LRP1B: variants seen among roughly 807,000 people sequenced by gnomAD.
LRP1B encodes the protein low-density lipoprotein receptor-related protein 1B.
LRP1B carries 217 observed loss-of-function variants against 556.6 expected under a neutral mutation model. The ratio of observed to expected loss-of-function variants is 0.39; its 90% confidence interval spans 0.35 to 0.44. The LOEUF is 0.44. LRP1B is among the 20% of genes least tolerant of loss of function. The pLI is 1.00. For missense variants in LRP1B, 5,053 were observed against 5,620.8 expected (o/e 0.90, Z 3.23); for synonymous variants, 2,047 against 1,865.8 (o/e 1.10, Z -2.50).
At chr2:140,302,236 TA>T (rs1683864272) in intron 83 of LRP1B, among the ~76,000 whole-genome samples, 1 of 152,164 alleles carries the variant, frequency 6.6e-6, no homozygotes, top group African/African-American at 2.4e-5. Flanking sequence ...TCTTTCTGTC[TA>T]AATGCCTCTG....
At chr2:141,266,201 G>A (rs1684881370) in intron 3 of LRP1B, among the ~76,000 whole-genome samples, 1 of 151,756 alleles carries the variant, frequency 6.6e-6, no homozygotes, top group Non-Finnish European at 1.5e-5. Context: ...GCAGGCGCCT[G>A]TAAAACCAGC....
intron 3 of LRP1B, among the ~76,000 whole-genome samples, chr2:141,401,265 A>G (rs922457047): frequency 6.6e-6 from 1 of 152,182 alleles, no homozygotes; most frequent in Admixed American, 6.5e-5. Context: ...CTATTATGTA[A>G]CACACACAAA....
chr2:140,420,014 G>GA (rs76165653), intron 66 of LRP1B, among the ~76,000 whole-genome samples: 2,921 of 86,494 alleles, frequency 0.034, 57 homozygotes, highest in African/African-American at 0.072. Context: ...TCATAAAAAA[G>GA]AAAAAAAAAA....
intron 1 of LRP1B, among the ~76,000 whole-genome samples, chr2:141,925,884 C>G (rs1317373784): frequency 6.6e-6 from 1 of 152,084 alleles, no homozygotes; most frequent in East Asian, 1.9e-4. Flanking sequence ...ATGGCCTTAG[C>G]AAAGTACTTA....
At chr2:141,072,963 C>G (rs1699686902) in intron 7 of LRP1B, among the ~76,000 whole-genome samples, 1 of 152,062 alleles carries the variant, frequency 6.6e-6, no homozygotes, top group African/African-American at 2.4e-5. Flanking sequence ...TCTCTAAGAC[C>G]TGACTTCAGC....
chr2:140,444,195 C>A (rs1573945457), intron 65 of LRP1B, 135 bp downstream of exon 65: 2 of 943,942 alleles, frequency 2.1e-6, no homozygotes, highest in Non-Finnish European at 1.5e-6. Flanking sequence ...CAGTTGGCAT[C>A]TATTTCTAAT....
intron 1 of LRP1B, among the ~76,000 whole-genome samples, chr2:142,036,716 G>A (rs1703894917): frequency 6.6e-6 from 1 of 151,534 alleles, no homozygotes. Context: ...GTTAAATATA[G>A]AGCTTCTAAA....
chr2:140,999,126 T>A (rs1697337600), intron 15 of LRP1B, among the ~76,000 whole-genome samples: 1 of 152,078 alleles, frequency 6.6e-6, no homozygotes, highest in Non-Finnish European at 1.5e-5. Context: ...GGAACTGAAA[T>A]AATTTCTATA....
chr2:140,451,520 A>T (rs1686885331), intron 62 of LRP1B, among the ~76,000 whole-genome samples: 1 of 152,196 alleles, frequency 6.6e-6, no homozygotes. Context: ...CCAAATGAGG[A>T]TCTGAAGATA....
chr2:141,784,023 A>G (rs1397978604), intron 2 of LRP1B, among the ~76,000 whole-genome samples: 2 of 151,912 alleles, frequency 1.3e-5, no homozygotes, highest in Non-Finnish European at 2.9e-5. Context: ...ACTGTGATAA[A>G]ATCAATCTCT....
intron 2 of LRP1B, among the ~76,000 whole-genome samples, chr2:141,738,232 G>A (rs1423808655): frequency 6.6e-6 from 1 of 152,018 alleles, no homozygotes; most frequent in Non-Finnish European, 1.5e-5. Flanking sequence ...TCATGCCTAA[G>A]CCCGACTCTT....
rs370365884 is a variant in LRP1B, at chr2:141,013,630, C to G, written c.2306G>C (p.Ser769Thr). 15 of 1,612,560 alleles carry G rather than the reference C, an allele frequency of 9.3e-6. No individual in the cohort carries two copies. The highest frequency in any genetic ancestry group is 2.2e-5 in the East Asian group (1 of 44,702). Reference protein sequence around the residue: ...GSIFQLDLITSEVTLLRHERP... With the variant: ...GSIFQLDLITTEVTLLRHERP... ...TTCATGCCTCAGCAATGTCACCTCA[C>G]TTGTTATCAAATCTAGTTGAAAAAT... The change falls in exon 14 of 91, where the codon AGT becomes ACT. Residue 769 changes from serine (S) to threonine (T), a missense_variant. This residue lies in a region of LRP1B where 3,619 missense variants were observed against 3,931.9 expected (regional missense o/e 0.92). Coordinates refer to ENST00000389484, the MANE Select transcript of LRP1B (RefSeq NM_018557.3).
At chr2:140,474,809 C>G (rs1196758946) in intron 60 of LRP1B, among the ~76,000 whole-genome samples, 3 of 151,744 alleles carry the variant, frequency 2.0e-5, no homozygotes, top group Non-Finnish European at 4.4e-5. Context: ...GCAGTAATAG[C>G]CTCATATTTA....
At chr2:140,810,793 A>G (rs1206306296) in intron 32 of LRP1B, among the ~76,000 whole-genome samples, 1 of 152,078 alleles carries the variant, frequency 6.6e-6, no homozygotes, top group Non-Finnish European at 1.5e-5. Context: ...CTAGAGTGCA[A>G]TGGTGCAATC....
intron 21 of LRP1B, among the ~76,000 whole-genome samples, chr2:140,919,666 C>A (rs894947744): frequency 6.6e-6 from 1 of 152,048 alleles, no homozygotes; most frequent in Non-Finnish European, 1.5e-5. Flanking sequence ...GCTCAGCACA[C>A]CACTTGATAC....
At chr2:142,075,925 A>G (rs995842761) in intron 1 of LRP1B, among the ~76,000 whole-genome samples, 6 of 152,138 alleles carry the variant, frequency 3.9e-5, no homozygotes, top group Non-Finnish European at 8.8e-5. Flanking sequence ...TTCAGTCTGA[A>G]TCTAGCCTCT....
At chr2:140,352,078 T>C (rs1681986069) in intron 76 of LRP1B, among the ~76,000 whole-genome samples, 1 of 152,166 alleles carries the variant, frequency 6.6e-6, no homozygotes, top group South Asian at 2.1e-4. Flanking sequence ...GCCAACAATA[T>C]TGAAGTTACA....
At chr2:140,708,772 A>G (rs1315336088) in intron 37 of LRP1B, among the ~76,000 whole-genome samples, 15 of 152,006 alleles carry the variant, frequency 9.9e-5, no homozygotes, top group Non-Finnish European at 8.8e-5. Flanking sequence ...TTTACCAAAT[A>G]TTTAACATCT....
chr2:141,456,426 CTTACAAACTGTTGATA>C (rs991255559), intron 3 of LRP1B, among the ~76,000 whole-genome samples: 1 of 152,050 alleles, frequency 6.6e-6, no homozygotes, highest in Non-Finnish European at 1.5e-5. Context: ...CAAATATAAC[CTTACAAACTGTTGATA>C]TTACTTTGTT....
Sources: gnomAD v4.1 joint callset for allele counts (sites outside exome capture counted in the v4.1 genomes callset) on GRCh38, gnomAD v4.1.1 for gene constraint, gnomAD v4.1.1 regional missense constraint, MANE v1.5 for transcripts, NCBI Gene and HGNC (gene_info 2026-07-23, HGNC 2026-07-21) for gene names.